The following TNFAIP8 variants were observed in gnomAD, a reference collection of about 807,000 sequenced individuals.
TNFAIP8 encodes tumor necrosis factor alpha-induced protein 8.
In TNFAIP8, 7 loss-of-function variants were observed where a neutral mutation model predicts 13.3. The ratio of observed to expected loss-of-function variants is 0.52; its 90% CI spans 0.30 to 0.99. The LOEUF is 0.99. TNFAIP8 is among the 50% of genes least tolerant of loss of function. The probability of loss-of-function intolerance (pLI) is 0.07; values close to 1 mark genes in which losing one functional copy is unlikely to be tolerated. For synonymous variants in TNFAIP8, 94 were observed against 87.6 expected (o/e 1.07, Z -0.41); for missense variants, 258 against 236.9 (o/e 1.09, Z -0.58).
At chr5:119,364,429 G>A (rs928653230) in intron 1 of TNFAIP8, among the ~76,000 whole-genome samples, 2 of 152,098 alleles carry the variant, frequency 1.3e-5, no homozygotes, top group South Asian at 2.1e-4. Flanking sequence ...GTGCAGTGGC[G>A]GGGTCATAGC....
Position 119,393,210 on chromosome 5 carries a change from C to A in TNFAIP8, c.426C>A (p.Ile142=), listed in dbSNP as rs749526002. ...LNECREMLHQ[I]IQRHLTAKSH... is the part of the protein sequence containing the mutation. Reference sequence around the variant, plus strand: ...AATGCAGAGAGATGCTGCACCAAATCATTCAGCGCCACCTCACTGCCAAGT... The same window carrying A: ...AATGCAGAGAGATGCTGCACCAAATAATTCAGCGCCACCTCACTGCCAAGT... Residue 142 remains isoleucine (I), a synonymous_variant, in exon 2 of 2, where the codon ATC becomes ATA. Coordinates refer to ENST00000504771, the MANE Select transcript of TNFAIP8 (RefSeq NM_014350.4). 23 of 1,613,872 alleles carry A rather than the reference C, an allele frequency of 1.4e-5. No homozygotes were observed. The highest frequency in any genetic ancestry group is 1.8e-5 in the Non-Finnish European group (21 of 1,179,898).
upstream of TNFAIP8, among the ~76,000 whole-genome samples, chr5:119,353,383 A>C (rs1216348773): frequency 6.6e-6 from 1 of 152,222 alleles, no homozygotes; most frequent in Non-Finnish European, 1.5e-5. Context: ...CTTTGTCACC[A>C]TGTTGCAGGG....
chr5:119,322,757 T>G (rs1750101841), intron 1 of TNFAIP8, among the ~76,000 whole-genome samples: 1 of 152,190 alleles, frequency 6.6e-6, no homozygotes, highest in Non-Finnish European at 1.5e-5. Context: ...CCCTTCTTAT[T>G]CGACTCTCTC....
intron 1 of TNFAIP8, among the ~76,000 whole-genome samples, chr5:119,304,121 A>G (rs1202808119): frequency 2.0e-5 from 3 of 151,578 alleles, no homozygotes; most frequent in Non-Finnish European, 4.4e-5. Flanking sequence ...TTTAAGTTTA[A>G]TTTTTATTTT....
At chr5:119,306,580 G>A (rs572003218) in intron 1 of TNFAIP8, 1 of 152,036 alleles carries the variant, frequency 6.6e-6, no homozygotes, top group Non-Finnish European at 1.5e-5. Context: ...CGATCCTCCT[G>A]TCTTGGCCTC....
At chr5:119,309,600 AG>A (rs1749670131) in intron 1 of TNFAIP8, among the ~76,000 whole-genome samples, 2 of 152,234 alleles carry the variant, frequency 1.3e-5, no homozygotes, top group African/African-American at 4.8e-5. Context: ...GCAGAAGAGC[AG>A]GGTGGGTAGT....
intron 1 of TNFAIP8, among the ~76,000 whole-genome samples, chr5:119,350,932 T>G (rs1298334344): frequency 6.6e-6 from 1 of 150,486 alleles, no homozygotes; most frequent in Non-Finnish European, 1.5e-5. Context: ...TGACTTACAA[T>G]TTTTTAACTC....
intron 1 of TNFAIP8, among the ~76,000 whole-genome samples, chr5:119,307,419 T>G (rs1282138396): frequency 2.0e-5 from 3 of 152,218 alleles, no homozygotes; most frequent in Non-Finnish European, 2.9e-5. Context: ...ACTTTTTTTG[T>G]ACAACTTAAA....
intron 1 of TNFAIP8, among the ~76,000 whole-genome samples, chr5:119,380,160 T>G (rs1329813558): frequency 6.6e-6 from 1 of 152,230 alleles, no homozygotes; most frequent in African/African-American, 2.4e-5. Context: ...TCCCCCAGGG[T>G]TAAGTAATAA....
At chr5:119,319,430 C>G (rs1749990107) in intron 1 of TNFAIP8, among the ~76,000 whole-genome samples, 1 of 152,156 alleles carries the variant, frequency 6.6e-6, no homozygotes, top group Admixed American at 6.5e-5. Flanking sequence ...TTAATGAGAA[C>G]ATTCCAACGT....
rs1210726165 is a variant in TNFAIP8, at chr5:119,397,800, A to G, written c.*4419A>G. ...TTGAAAATCTGTTTTCTCTTTTACT[A>G]AGTGTCTGCACGGTCACTTATGTAT... On this transcript the variant is annotated 3_prime_UTR_variant, in exon 2 of 2. Coordinates refer to ENST00000504771, the MANE Select transcript of TNFAIP8 (RefSeq NM_014350.4). 1.3e-5 allele frequency: 2 copies of G among 152,218 alleles called. No homozygotes were observed. The highest frequency in any genetic ancestry group is 2.4e-5 in the African/African-American group (1 of 41,452). The allele number at this position is 152,218 out of a possible 1,614,324, so 9.4% of individuals were successfully genotyped here.
intron 1 of TNFAIP8, among the ~76,000 whole-genome samples, chr5:119,361,953 C>T (rs1338970734): frequency 6.6e-6 from 1 of 152,196 alleles, no homozygotes; most frequent in Non-Finnish European, 1.5e-5. Context: ...ACCTCCTCTG[C>T]AGGGCCTGGA....
At position 119,393,079 on chromosome 5, in the gene TNFAIP8, A is replaced by C; in HGVS notation, c.295A>C (p.Met99Leu). 6.2e-7 allele frequency: 1 copy of C among 1,613,924 alleles called. No individual in the cohort carries two copies. The highest frequency in any genetic ancestry group is 8.5e-7 in the Non-Finnish European group (1 of 1,179,844). The change falls in exon 2 of 2, where the codon ATG (methionine) becomes CTG (leucine). Residue 99 changes from methionine (M) to leucine (L), a missense_variant. Met to Leu is a conservative substitution (Grantham distance 15, BLOSUM62 2). Coordinates refer to ENST00000504771, the MANE Select transcript of TNFAIP8 (RefSeq NM_014350.4). ...GTTTAATCAAGATGAGCTAGCATTG[A>C]TGGAGAAATTTAAGAAGAAAGTTCA... ...NQFNQDELALMEKFKKKVHQL... is the reference protein window; with the variant it reads ...NQFNQDELALLEKFKKKVHQL...
intron 1 of TNFAIP8, among the ~76,000 whole-genome samples, chr5:119,282,108 A>G (rs1157738388): frequency 6.6e-6 from 1 of 152,244 alleles, no homozygotes; most frequent in Admixed American, 6.5e-5. Flanking sequence ...TCAACAGAGT[A>G]TGAGCATTCC....
Position 119,393,019 on chromosome 5 carries a change from G to A in TNFAIP8, c.235G>A (p.Val79Ile), listed in dbSNP as rs376437133. 19 of 1,613,260 alleles carry A rather than the reference G, an allele frequency of 1.2e-5. No homozygotes were observed. In the East Asian group the frequency reaches 1.8e-4, roughly 15 times the overall value. Residue 79 changes from valine to isoleucine, a missense_variant, in exon 2 of 2, where the codon GTC becomes ATC. Physicochemically the swap from Val to Ile is conservative, Grantham distance 29. Transcript: ENST00000504771. Reference sequence around the variant, plus strand: ...GATCATCAAGAACCTCATCAAGACAGTCATCAAGCTGGCCATTCTTTATAG... The same window carrying A: ...GATCATCAAGAACCTCATCAAGACAATCATCAAGCTGGCCATTCTTTATAG... Reference protein sequence around the residue: ...EKIIKNLIKTVIKLAILYRNN... With the variant: ...EKIIKNLIKTIIKLAILYRNN...
chr5:119,366,670 C>T (rs747512025), intron 1 of TNFAIP8, among the ~76,000 whole-genome samples: 1 of 152,162 alleles, frequency 6.6e-6, no homozygotes, highest in African/African-American at 2.4e-5. Context: ...GGGTTAAAGC[C>T]ATCACTTCCA....
chr5:119,276,909 T>G (rs1342795386), intron 1 of TNFAIP8, among the ~76,000 whole-genome samples: 4 of 152,204 alleles, frequency 2.6e-5, no homozygotes, highest in Admixed American at 6.5e-5. Flanking sequence ...GGACCTGCAG[T>G]CTATGCCTGA....
intron 1 of TNFAIP8, among the ~76,000 whole-genome samples, chr5:119,342,658 T>C (rs551383464): frequency 1.3e-5 from 2 of 152,334 alleles, no homozygotes; most frequent in East Asian, 1.9e-4. Context: ...TTGGCTGCTA[T>C]CTCTAGTCAT....
chr5:119,331,589 C>T (rs1264386330), intron 1 of TNFAIP8, among the ~76,000 whole-genome samples: 1 of 152,212 alleles, frequency 6.6e-6, no homozygotes, highest in Non-Finnish European at 1.5e-5. Flanking sequence ...GCTACCATGT[C>T]CTCTGCCCTT....
Sources: gnomAD v4.1 joint callset for allele counts (sites outside exome capture counted in the v4.1 genomes callset) on GRCh38, gnomAD v4.1.1 for gene constraint, MANE v1.5 for transcripts, NCBI Gene and HGNC (gene_info 2026-07-23, HGNC 2026-07-21) for gene names.